The following TNXB variants were observed in gnomAD, a reference collection of about 807,000 sequenced individuals.
The protein encoded by TNXB is tenascin-X.
Under a neutral mutation model 340.5 loss-of-function variants are expected in TNXB, and 183 were observed. The ratio of observed to expected loss-of-function variants is 0.54; its 90% confidence interval spans 0.48 to 0.61. TNXB has a LOEUF of 0.61. Ranked by LOEUF, TNXB falls within the 20% of genes least tolerant of loss-of-function variation. The pLI, the probability that TNXB is intolerant of heterozygous loss-of-function variation, is 0.00. For synonymous variants in TNXB, 2,121 were observed against 2,314.5 expected, an observed-to-expected ratio of 0.92 and a Z score of 2.40; for missense variants, 4,613 against 5,446.4, an observed-to-expected ratio of 0.85 and a Z score of 4.82.
Position 32,097,655 on chromosome 6 carries a change from C to G in TNXB, c.403+141G>C. On this transcript the variant is annotated intron_variant, in intron 2 of 43. Coordinates refer to ENST00000644971, the MANE Select transcript of TNXB (RefSeq NM_001365276.2). The surrounding 1 kb of genome is among the most constrained non-coding windows in gnomAD (Gnocchi z 5.9). ...TTGACATGTAGCCCAGCTCTGCTCT[C>G]CAAGTTGTGTTCTGGGCTGCATCCA... 3 of 1,163,808 alleles carry G rather than the reference C, an allele frequency of 2.6e-6. No individual in the cohort carries two copies. Among genetic ancestry groups the G allele is most frequent in the Non-Finnish European group, 3.5e-6 (3 of 852,104 alleles). 72.1% of individuals were successfully genotyped at this position (1,163,808 alleles called of 1,614,324 possible). A position where few individuals can be genotyped will look rare whatever the true frequency, so the allele number is the denominator to read the frequency against.
chr6:32,049,453 G>A lies in TNXB; in HGVS notation c.9574C>T (p.Arg3192Cys), dbSNP rs766906496. ...TACTGCACGGTGAAGGAGTCGAAGC[G>A]GCCCTGGGGGACGGTCCAGGAGAGG... is the stretch of plus-strand genomic sequence containing the variant. Reference protein sequence around the residue: ...LSLSWTVPQGRFDSFTVQYKD... With the variant: ...LSLSWTVPQGCFDSFTVQYKD... The change falls in exon 28 of 44, where the codon CGC (arginine) becomes TGC (cysteine). Residue 3192 changes from arginine (R) to cysteine (C), a missense_variant. Arg to Cys is a radical substitution (Grantham distance 180). Around this residue, in one of 7 missense-constraint regions of TNXB, gnomAD observed 4,327 missense variants for 4,859.4 expected, o/e 0.89. Coordinates refer to ENST00000644971, the MANE Select transcript of TNXB (RefSeq NM_001365276.2). This position sits in a 1 kb window ranked among gnomAD's most constrained non-coding sequence, Gnocchi z 4.5. The A allele has an allele frequency of 7.4e-6, 12 of 1,612,708 alleles. No individual in the cohort carries two copies. The highest frequency in any genetic ancestry group is 8.5e-6 in the Non-Finnish European group (10 of 1,179,880).
Position 32,047,635 on chromosome 6 carries a change from G to A in TNXB, c.10324+99C>T, listed in dbSNP as rs1776974983. On this transcript the variant is annotated intron_variant, in intron 30 of 43. Transcript: ENST00000644971. The surrounding 1 kb of genome is among the most constrained non-coding windows in gnomAD (Gnocchi z 6.2). ...TTCGGAGTTAAGATGGTTGTGTCAGGGCTGATAGAGGGAATCTCACGGGAA... is the reference window on the plus strand; with the variant it reads ...TTCGGAGTTAAGATGGTTGTGTCAGAGCTGATAGAGGGAATCTCACGGGAA... 7.2e-7 allele frequency: 1 copy of A among 1,381,256 alleles called. No homozygotes were observed. Among genetic ancestry groups the A allele is most frequent in the African/African-American group, 1.4e-5 (1 of 69,520 alleles). The allele number at this position is 1,381,256 out of a possible 1,614,324, so 85.6% of individuals were successfully genotyped here. A position where few individuals can be genotyped will look rare whatever the true frequency, so the allele number is the denominator to read the frequency against.
At position 32,042,401 on chromosome 6, in the gene TNXB, C is replaced by T. The variant is rs528175134; in HGVS notation, c.12211-39G>A. 2.5e-5 allele frequency: 40 copies of T among 1,595,676 alleles called. 4 individuals carry two copies. The highest frequency in any genetic ancestry group is 1.4e-4 in the African/African-American group (10 of 70,936). On this transcript the variant is annotated intron_variant, in intron 40 of 43. Transcript: ENST00000644971. ...GGGGGCACCATCAGCCTCTGGCTCC[C>T]GGGGCAACAGACCCTGCCCTGCACA...
rs1006811512 is a variant in TNXB at position 32,070,466 on chromosome 6, G to T, written c.4991-52C>A. Reference sequence around the variant, plus strand: ...TTTTTTCCAAAACGACTCCTTGACTGCCTCCCTCTGGGGCTGGAAAAACCC... The same window carrying T: ...TTTTTTCCAAAACGACTCCTTGACTTCCTCCCTCTGGGGCTGGAAAAACCC... On this transcript the variant is annotated intron_variant, in intron 13 of 43. Coordinates refer to ENST00000644971, the MANE Select transcript of TNXB (RefSeq NM_001365276.2). This position sits in a 1 kb window ranked among gnomAD's most constrained non-coding sequence, Gnocchi z 6.0. 28 of 1,488,848 alleles carry T rather than the reference G, an allele frequency of 1.9e-5. No individual in the cohort carries two copies. Among genetic ancestry groups the T allele is most frequent in the Non-Finnish European group, 2.4e-5 (27 of 1,114,910 alleles). 92.2% of individuals were successfully genotyped at this position (1,488,848 alleles called of 1,614,324 possible). A position where few individuals can be genotyped will look rare whatever the true frequency, so the allele number is the denominator to read the frequency against.
Position 32,089,432 on chromosome 6 carries a change from C to T in TNXB, c.2359-53G>A, listed in dbSNP as rs1779981026. On this transcript the variant is annotated intron_variant, in intron 4 of 43. Coordinates refer to ENST00000644971, the MANE Select transcript of TNXB (RefSeq NM_001365276.2). This position sits in a 1 kb window ranked among gnomAD's most constrained non-coding sequence, Gnocchi z 6.2. ...GGGGCTGGCACTCTTGCCTCTGCTGCTCAATCCCCCTTATCTCTTCTTTCT... is the reference window on the plus strand; with the variant it reads ...GGGGCTGGCACTCTTGCCTCTGCTGTTCAATCCCCCTTATCTCTTCTTTCT... The T allele has an allele frequency of 6.4e-7, 1 of 1,552,586 alleles. No homozygotes were observed. Among genetic ancestry groups the T allele is most frequent in the South Asian group, 1.2e-5 (1 of 83,570 alleles).
Position 32,048,003 on chromosome 6 carries a change from G to A in TNXB, c.10055C>T (p.Thr3352Ile), listed in dbSNP as rs752992071. 2 of 1,605,500 alleles carry A rather than the reference G, an allele frequency of 1.2e-6. No individual in the cohort carries two copies. Among genetic ancestry groups the A allele is most frequent in the African/African-American group, 2.7e-5 (2 of 74,800 alleles). The stretch of plus-strand genomic sequence containing the variant: ...CTCCCCCAGGCGGGGAGACGGTTTG[G>A]TGTCTGGGGCTGGAAAAGACAGTGA... ...VPVEARTAPD[T>I]KPSPRLGELT... The change falls in exon 30 of 44, where the codon ACC becomes ATC. Residue 3352 changes from threonine (T) to isoleucine (I), a missense_variant. By Grantham distance (89) the Thr-to-Ile change is moderately conservative. This residue lies in a region of TNXB where 4,327 missense variants were observed against 4,859.4 expected (regional missense o/e 0.89). Transcript: ENST00000644971.
intron 11 of TNXB, among the ~76,000 whole-genome samples, chr6:32,078,100 A>AAAGAAAGG (rs1230600067): frequency 8.2e-5 from 9 of 110,000 alleles, no homozygotes; most frequent in Non-Finnish European, 1.4e-4. Flanking sequence ...AGAAAGAAAG[A>AAAGAAAGG]AAGAAAGAAA....
rs975387633 is a variant in TNXB, at chr6:32,096,900, C to T, written c.953G>A (p.Arg318Gln). The T allele has an allele frequency of 6.2e-7, 1 of 1,609,202 alleles. No individual in the cohort carries two copies. The highest frequency in any genetic ancestry group is 8.5e-7 in the Non-Finnish European group (1 of 1,177,752). Reference sequence around the variant, plus strand: ...GCAGCGCCCGTCCTTGCAGCGTCCCCGCTGGCTGCAGCCCCGAGGGCAGCT... The same window carrying T: ...GCAGCGCCCGTCCTTGCAGCGTCCCTGCTGGCTGCAGCCCCGAGGGCAGCT... ...VRSCPRGCSQ[R>Q]GRCKDGRCVC... The change falls in exon 3 of 44, where the codon CGG becomes CAG. Residue 318 changes from arginine to glutamine, a missense_variant. Arg to Gln is a conservative substitution (Grantham distance 43). Coordinates refer to ENST00000644971, the MANE Select transcript of TNXB (RefSeq NM_001365276.2).
rs761855773 is a variant in TNXB at position 32,070,159 on chromosome 6, C to T, written c.5246G>A (p.Arg1749His). ...FLLYGLLGKK[R>H]HGPLTADGTT... ...GCCGTCGGCAGTGAGAGGGCCATGG[C>T]GCTTCTTGCCCAGGAGGCCATAGAG... The change falls in exon 14 of 44, where the codon CGC becomes CAC. Residue 1749 changes from arginine to histidine, a missense_variant. Physicochemically the swap from Arg to His is conservative, Grantham distance 29. This residue lies in a region of TNXB where 4,327 missense variants were observed against 4,859.4 expected (regional missense o/e 0.89). Transcript: ENST00000644971. The surrounding 1 kb of genome is among the most constrained non-coding windows in gnomAD (Gnocchi z 6.0). 8 of 1,595,798 alleles carry T rather than the reference C, an allele frequency of 5.0e-6. No homozygotes were observed. The highest frequency in any genetic ancestry group is 1.7e-5 in the Admixed American group (1 of 59,374).
In TNXB at chr6:32,065,105, T is replaced by A; in HGVS notation, c.6557A>T (p.Glu2186Val). Residue 2186 changes from glutamate to valine, a missense_variant, in exon 19 of 44, where the codon GAG becomes GTG. Physicochemically the swap from Glu to Val is moderately radical, Grantham distance 121 (BLOSUM62 -2). This residue lies in a region of TNXB where 4,327 missense variants were observed against 4,859.4 expected (regional missense o/e 0.89). Transcript: ENST00000644971. ...CTTTGCAAGAGGAGCATCAGGGGAC[T>A]CCTCTTCGGGGGCTAGGAAGAGATA... ...SAVGVTAPEE[E>V]SPDAPLAKLR... 6.3e-7 allele frequency: 1 copy of A among 1,578,026 alleles called. No homozygotes were observed. Among genetic ancestry groups the A allele is most frequent in the Non-Finnish European group, 8.6e-7 (1 of 1,161,006 alleles).
rs554550665 is a variant in TNXB at position 32,052,924 on chromosome 6, A to G, written c.8861T>C (p.Leu2954Pro). 30 of 1,612,510 alleles carry G rather than the reference A, an allele frequency of 1.9e-5. No homozygotes were observed. The South Asian group carries it at 2.6e-4, about 14-fold the overall frequency. ...TCCTGTCACTGTCAGCTCCCCCAGG[A>G]GCGGCTCCTCAGGGGGCTCCGGGGC... The part of the protein sequence containing the change: ...TEAPEPPEEP[L>P]LGELTVTGSS... The change falls in exon 26 of 44, where the codon CTC (leucine) becomes CCC (proline). Residue 2954 changes from leucine to proline, a missense_variant. Transcript: ENST00000644971. This position sits in a 1 kb window ranked among gnomAD's most constrained non-coding sequence, Gnocchi z 4.7.
Position 32,083,282 on chromosome 6 carries a change from T to C in TNXB, c.3446-956A>G, listed in dbSNP as rs1375464078. ...TCTTCCTCTGCCTCCGCTGTGAGTG[T>C]AGGCTGTCGACAGGGTTCCAGTGGC... On this transcript the variant is annotated intron_variant, in intron 8 of 43. Coordinates refer to ENST00000644971, the MANE Select transcript of TNXB (RefSeq NM_001365276.2). The surrounding 1 kb of genome is among the most constrained non-coding windows in gnomAD (Gnocchi z 4.6). Among the ~76,000 whole-genome samples, 2 of 152,040 alleles carry C rather than the reference T, an allele frequency of 1.3e-5. No individual in the cohort carries two copies. The highest frequency in any genetic ancestry group is 2.9e-5 in the Non-Finnish European group (2 of 68,004).
intron 4 of TNXB, chr6:32,093,268 G>A (rs561465042): frequency 1.5e-6 from 1 of 671,834 alleles, no homozygotes; most frequent in East Asian, 2.7e-5. Flanking sequence ...GAGCAGCCAG[G>A]AATTGTTTTT....
Position 32,097,406 on chromosome 6 carries a change from A to C in TNXB, c.447T>G (p.Phe149Leu). ...VRTLCSLHGVFDLSRCTCSCE... is the reference protein window; with the variant it reads ...VRTLCSLHGVLDLSRCTCSCE... ...AGGAACAGGTGCAGCGGCTCAGATCAAACACACCATGGAGACTGCAGAGGG... is the reference window on the plus strand; with the variant it reads ...AGGAACAGGTGCAGCGGCTCAGATCCAACACACCATGGAGACTGCAGAGGG... The change falls in exon 3 of 44, where the codon TTT (phenylalanine) becomes TTG (leucine). Residue 149 changes from phenylalanine to leucine, a missense_variant. Physicochemically the swap from Phe to Leu is conservative, Grantham distance 22. Coordinates refer to ENST00000644971, the MANE Select transcript of TNXB (RefSeq NM_001365276.2). This position sits in a 1 kb window ranked among gnomAD's most constrained non-coding sequence, Gnocchi z 5.9. 2 of 1,609,074 alleles carry C rather than the reference A, an allele frequency of 1.2e-6. No homozygotes were observed. The highest frequency in any genetic ancestry group is 1.7e-6 in the Non-Finnish European group (2 of 1,179,294).
chr6:32,089,602 C>T lies in TNXB; in HGVS notation c.2359-223G>A, dbSNP rs1779988985. 6.6e-6 allele frequency among the ~76,000 whole-genome samples: 1 copy of T among 152,194 alleles called. No homozygotes were observed. Among genetic ancestry groups the T allele is most frequent in the Non-Finnish European group, 1.5e-5 (1 of 68,038 alleles). ...TGAACTCACTTAATTCTCACAACAA[C>T]CCTACGAAACAGGTCCTATTAGTCC... On this transcript the variant is annotated intron_variant, in intron 4 of 43. Transcript: ENST00000644971. This position sits in a 1 kb window ranked among gnomAD's most constrained non-coding sequence, Gnocchi z 6.2.
chr6:32,049,413 C>G lies in TNXB; in HGVS notation c.9614G>C (p.Gly3205Ala). The change falls in exon 28 of 44, where the codon GGG becomes GCG. Residue 3205 changes from glycine (G) to alanine (A), a missense_variant. Around this residue, in one of 7 missense-constraint regions of TNXB, gnomAD observed 4,327 missense variants for 4,859.4 expected, o/e 0.89. Coordinates refer to ENST00000644971, the MANE Select transcript of TNXB (RefSeq NM_001365276.2). The surrounding 1 kb of genome is among the most constrained non-coding windows in gnomAD (Gnocchi z 4.5). The stretch of plus-strand genomic sequence containing the variant: ...CCTGACACGCACCACCTGGGGCTGC[C>G]CGTCCCTGTCCTTGTACTGCACGGT... ...SFTVQYKDRD[G>A]QPQVVRVRGE... 1 of 1,612,674 alleles carries G rather than the reference C, an allele frequency of 6.2e-7. No homozygotes were observed. The highest frequency in any genetic ancestry group is 8.5e-7 in the Non-Finnish European group (1 of 1,179,880).
Position 32,088,826 on chromosome 6 carries a change from C to A in TNXB, c.2738G>T (p.Gly913Val). The A allele has an allele frequency of 6.3e-7, 1 of 1,580,642 alleles. No homozygotes were observed. Residue 913 changes from glycine to valine, a missense_variant, in exon 6 of 44, where the codon GGC (glycine) becomes GTC (valine). Physicochemically the swap from Gly to Val is moderately radical, Grantham distance 109 (BLOSUM62 -3). Coordinates refer to ENST00000644971, the MANE Select transcript of TNXB (RefSeq NM_001365276.2). ...EYVVTVTAER[G>V]RAVSYPASVR... ...AGAAGCTGGGTAGCTGACTGCCCGG[C>A]CCCGCTCCGCTGTGACAGTCACCAC...
At chr6:32,107,596 T>C (rs1781046639) in intron 1 of TNXB, among the ~76,000 whole-genome samples, 1 of 152,186 alleles carries the variant, frequency 6.6e-6, no homozygotes, top group African/African-American at 2.4e-5. Flanking sequence ...CTCACCCTCT[T>C]GGCACCCTCC....
Position 32,086,055 on chromosome 6 carries a change from G to A in TNXB, c.2843C>T (p.Thr948Met), listed in dbSNP as rs950928412. 9.4e-6 allele frequency: 15 copies of A among 1,594,542 alleles called. No individual in the cohort carries two copies. Among genetic ancestry groups the A allele is most frequent in the African/African-American group, 1.3e-5 (1 of 74,680 alleles). The change falls in exon 7 of 44, where the codon ACG (threonine) becomes ATG (methionine). Residue 948 changes from threonine to methionine, a missense_variant. Around this residue, in one of 7 missense-constraint regions of TNXB, gnomAD observed 4,327 missense variants for 4,859.4 expected, o/e 0.89. Transcript: ENST00000644971. ...DEPPPSGPST[T>M]QGAQAPLLQQ... is the part of the protein sequence containing the mutation. ...CAGGAGAGGAGCCTGGGCCCCTTGC[G>A]TCGTCGAGGGGCCTGAGGGAGGAGG...
Sources: allele counts gnomAD v4.1 joint callset (sites outside exome capture counted in the v4.1 genomes callset), GRCh38; gene constraint gnomAD v4.1.1; regional missense constraint gnomAD v4.1.1; non-coding constraint Gnocchi (gnomAD v3.1); transcripts MANE v1.5; gene names NCBI Gene and HGNC (gene_info 2026-07-23, HGNC 2026-07-21).